The following PINX1 variants were observed in gnomAD, a reference collection of about 807,000 sequenced individuals.
The protein encoded by PINX1 is PIN2/TERF1-interacting telomerase inhibitor 1.
PINX1 carries 34 observed loss-of-function variants against 25.4 expected under a neutral mutation model. That is an observed-to-expected ratio of 1.34 (90% confidence interval 1.02 to 1.78). The LOEUF (loss-of-function observed/expected upper bound fraction) is 1.78, where lower values mean the gene tolerates loss of function less well. PINX1 is among the 40% of genes most tolerant of loss of function. PINX1 has a pLI of 0.00. For missense variants in PINX1, 592 were observed against 404.9 expected, an observed-to-expected ratio of 1.46 and a Z score of -3.97; for synonymous variants, 197 against 147.7, an observed-to-expected ratio of 1.33 and a Z score of -2.42.
intron 6 of PINX1, among the ~76,000 whole-genome samples, chr8:10,790,906 C>T (rs1455351707): frequency 6.6e-5 from 10 of 152,022 alleles, no homozygotes; most frequent in Non-Finnish European, 1.2e-4. Flanking sequence ...AAAAAAAAAT[C>T]CCCCTCCCTC....
chr8:10,777,563 G>A (rs72549118), intron 6 of PINX1, among the ~76,000 whole-genome samples: 2 of 152,208 alleles, frequency 1.3e-5, no homozygotes, highest in Non-Finnish European at 2.9e-5. Flanking sequence ...TGTGCGAGTG[G>A]CTTGGGGACT....
At position 10,765,898 on chromosome 8, in the gene PINX1, T is replaced by C. The variant is rs1801026149; in HGVS notation, c.490A>G (p.Thr164Ala). Residue 164 changes from threonine (T) to alanine (A), a missense_variant, in exon 7 of 7, where the codon ACT becomes GCT. Transcript: ENST00000314787. ...GTCGTGGTTTCGTTCTCCTCTGGAG[T>C]GGAGGGACTGGCATCGCCCTATGGT... ...KTPEGDASPS[T>A]PEENETTTTS... The C allele has an allele frequency of 1.2e-6, 2 of 1,613,536 alleles. No individual in the cohort carries two copies. The highest frequency in any genetic ancestry group is 1.7e-6 in the Non-Finnish European group (2 of 1,179,828).
chr8:10,802,367 C>A (rs1220890172), intron 6 of PINX1, among the ~76,000 whole-genome samples: 1 of 152,154 alleles, frequency 6.6e-6, no homozygotes, highest in African/African-American at 2.4e-5. Flanking sequence ...GAGCACTTCA[C>A]CCCACAGACA....
chr8:10,822,803 A>G (rs947943096), intron 5 of PINX1, among the ~76,000 whole-genome samples: 1 of 152,240 alleles, frequency 6.6e-6, no homozygotes, highest in African/African-American at 2.4e-5. Flanking sequence ...GGAAAAGCAG[A>G]GTTGAGCTGC....
chr8:10,777,557 C>T (rs914852186), intron 6 of PINX1, among the ~76,000 whole-genome samples: 1 of 152,150 alleles, frequency 6.6e-6, no homozygotes, highest in East Asian at 1.9e-4. Flanking sequence ...GTTGGGTGTG[C>T]GAGTGGCTTG....
At chr8:10,767,564 T>A (rs1289524492) in intron 6 of PINX1, among the ~76,000 whole-genome samples, 5 of 152,200 alleles carry the variant, frequency 3.3e-5, no homozygotes, top group African/African-American at 7.2e-5. Flanking sequence ...ATAAAAAAAA[T>A]CTGCCTCAGG....
chr8:10,770,100 A>C (rs530543880), intron 6 of PINX1, among the ~76,000 whole-genome samples: 2 of 152,230 alleles, frequency 1.3e-5, no homozygotes, highest in Non-Finnish European at 1.5e-5. Flanking sequence ...AAAAAGTTTG[A>C]CTGTTTTAAA....
chr8:10,775,425 T>TTTTTTTTTTTTG (rs1563203285), intron 6 of PINX1, among the ~76,000 whole-genome samples: 5 of 140,660 alleles, frequency 3.6e-5, no homozygotes, highest in Middle Eastern at 3.6e-3. Flanking sequence ...TTTTTTTTTT[T>TTTTTTTTTTTTG]TTTTTTTTTT....
chr8:10,783,979 G>C (rs1229257038), intron 6 of PINX1, among the ~76,000 whole-genome samples: 1 of 152,166 alleles, frequency 6.6e-6, no homozygotes, highest in Non-Finnish European at 1.5e-5. Flanking sequence ...CTAATGTTAA[G>C]AAGGTGCCTC....
intron 6 of PINX1, among the ~76,000 whole-genome samples, chr8:10,777,009 G>C (rs1376434595): frequency 6.6e-6 from 1 of 152,204 alleles, no homozygotes; most frequent in Non-Finnish European, 1.5e-5. Flanking sequence ...TAGACCATAT[G>C]TATGTCAGTT....
intron 6 of PINX1, among the ~76,000 whole-genome samples, chr8:10,776,458 C>T (rs58459177): frequency 0.2 from 29,722 of 149,594 alleles, 4,239 homozygotes; most frequent in African/African-American, 0.41. Context: ...AACAAACAAA[C>T]AAACAAACAA....
chr8:10,790,860 A>G (rs954695626), intron 6 of PINX1, among the ~76,000 whole-genome samples: 5 of 152,068 alleles, frequency 3.3e-5, no homozygotes, highest in African/African-American at 1.2e-4. Flanking sequence ...CAAACAGTCT[A>G]TACTCCCTGC....
chr8:10,819,025 C>T (rs1797785540), intron 6 of PINX1, among the ~76,000 whole-genome samples: 1 of 152,202 alleles, frequency 6.6e-6, no homozygotes, highest in Admixed American at 6.5e-5. Flanking sequence ...GAGCAGCCGG[C>T]ACGGCCGGAT....
At chr8:10,784,655 T>G (rs1287046311) in intron 6 of PINX1, among the ~76,000 whole-genome samples, 1 of 152,194 alleles carries the variant, frequency 6.6e-6, no homozygotes, top group Non-Finnish European at 1.5e-5. Flanking sequence ...TAAAAAGCTA[T>G]TTGGAGTTCA....
At chr8:10,790,630 G>C (rs1247377645) in intron 6 of PINX1, among the ~76,000 whole-genome samples, 2 of 152,110 alleles carry the variant, frequency 1.3e-5, no homozygotes, top group Non-Finnish European at 2.9e-5. Context: ...CTTTCTCTTT[G>C]GGTCTTGCCA....
In PINX1 at chr8:10,820,981, C is replaced by T. The variant is rs1016761444; in HGVS notation, c.395-712G>A. On this transcript the variant is annotated intron_variant, in intron 5 of 6. Transcript: ENST00000314787. The stretch of plus-strand genomic sequence containing the variant: ...ACTCTTTAATTTCAAACCCCCAAAC[C>T]AACTAATTTAAAATTCACTTCTTTG... Among the ~76,000 whole-genome samples the T allele has an allele frequency of 4.6e-5, 7 of 152,316 alleles. No homozygotes were observed. In the South Asian group the frequency reaches 6.2e-4, roughly 14 times the overall value.
chr8:10,806,733 C>G (rs1802464524), intron 6 of PINX1, among the ~76,000 whole-genome samples: 1 of 152,114 alleles, frequency 6.6e-6, no homozygotes, highest in Admixed American at 6.5e-5. Flanking sequence ...AAAACTGACC[C>G]CCAGAGGCTC....
intron 6 of PINX1, among the ~76,000 whole-genome samples, chr8:10,806,688 A>T (rs1802462991): frequency 6.6e-6 from 1 of 152,088 alleles, no homozygotes; most frequent in Non-Finnish European, 1.5e-5. Flanking sequence ...TCTACAAGAG[A>T]AACATGTGAG....
chr8:10,836,821 G>C (rs897967720), intron 1 of PINX1, among the ~76,000 whole-genome samples: 2 of 152,218 alleles, frequency 1.3e-5, no homozygotes, highest in Admixed American at 6.5e-5. Context: ...GAGCAGGCCT[G>C]CCATGCTTCC....
Sources: gnomAD v4.1 joint callset for allele counts (sites outside exome capture counted in the v4.1 genomes callset) on GRCh38, gnomAD v4.1.1 for gene constraint, MANE v1.5 for transcripts, NCBI Gene and HGNC (gene_info 2026-07-23, HGNC 2026-07-21) for gene names.